MCTP1: variants seen among roughly 807,000 people sequenced by gnomAD.
The protein encoded by MCTP1 is multiple C2 and transmembrane domain containing 1.
Under a neutral mutation model 120.6 loss-of-function variants are expected in MCTP1, and 69 were observed. The observed-to-expected ratio is 0.57, with a 90% CI of 0.47 to 0.70. The LOEUF (loss-of-function observed/expected upper bound fraction) is 0.70. Ranked by LOEUF, MCTP1 falls within the 30% of genes least tolerant of loss-of-function variation. The pLI is 0.00. For synonymous variants in MCTP1, 529 were observed against 493.1 expected, an observed-to-expected ratio of 1.07 and a Z score of -0.96; for missense variants, 1,203 against 1,248.8, an observed-to-expected ratio of 0.96 and a Z score of 0.55.
At position 95,184,600 on chromosome 5, in the gene MCTP1, A is replaced by ACC. The variant is rs540447433; in HGVS notation, c.720+99254_720+99255dup. 8.5e-5 allele frequency among the ~76,000 whole-genome samples: 13 copies of ACC among 152,204 alleles called. No homozygotes were observed. The East Asian group carries it at 2.5e-3, about 29-fold the overall frequency. ...CTGATAACAGCCCTTTCCTGAAAAG[A>ACC]CCCCCTTCTTGCCTGGGGACCAGTC... is the stretch of plus-strand genomic sequence containing the variant. On this transcript the variant is annotated intron_variant, in intron 1 of 22. Coordinates refer to ENST00000515393, the MANE Select transcript of MCTP1 (RefSeq NM_024717.7).
chr5:94,917,063 A>C (rs1048907071), intron 8 of MCTP1, among the ~76,000 whole-genome samples: 2 of 152,250 alleles, frequency 1.3e-5, no homozygotes, highest in Non-Finnish European at 2.9e-5. Context: ...TAAAAAGAGA[A>C]GTAGGACCCT....
At chr5:94,853,696 A>C (rs1174653867) in intron 17 of MCTP1, among the ~76,000 whole-genome samples, 1 of 151,914 alleles carries the variant, frequency 6.6e-6, no homozygotes, top group East Asian at 1.9e-4. Flanking sequence ...ACCTGGTGTT[A>C]TCTGAGGGCT....
chr5:94,868,420 A>G lies in MCTP1; in HGVS notation c.2349T>C (p.Arg783=), dbSNP rs142249097. 24 of 1,605,852 alleles carry G rather than the reference A, an allele frequency of 1.5e-5. No individual in the cohort carries two copies. In the African/African-American group the frequency reaches 3.1e-4, roughly 21 times the overall value. ...CAGCATTTACCAGCACCATGACACA[A>G]CGTTTCATTCTGATAAAGTTTCTTA... The part of the protein sequence containing the change: ...LLLRNFIRMK[R]CVMVLVNAAY... Residue 783 remains arginine, a synonymous_variant, in exon 17 of 23, where the codon CGT becomes CGC. Transcript: ENST00000515393.
At chr5:94,754,300 G>C (rs1194646612) in intron 19 of MCTP1, among the ~76,000 whole-genome samples, 1 of 152,194 alleles carries the variant, frequency 6.6e-6, no homozygotes, top group Non-Finnish European at 1.5e-5. Context: ...GGGAAGGTCC[G>C]TCAGTTAAGT....
chr5:95,142,937 T>C (rs1165748846), intron 1 of MCTP1, among the ~76,000 whole-genome samples: 5 of 152,172 alleles, frequency 3.3e-5, no homozygotes, highest in African/African-American at 1.2e-4. Context: ...ATGATGGACA[T>C]GCAAGACAAT....
intron 1 of MCTP1, among the ~76,000 whole-genome samples, chr5:95,280,087 A>C (rs1760191517): frequency 6.6e-6 from 1 of 152,230 alleles, no homozygotes; most frequent in Non-Finnish European, 1.5e-5. Flanking sequence ...AAATCAACCC[A>C]AGTCATGTTT....
chr5:95,018,374 G>A (rs982981256), intron 1 of MCTP1, among the ~76,000 whole-genome samples: 22 of 151,752 alleles, frequency 1.4e-4, no homozygotes, highest in African/African-American at 4.8e-4. Flanking sequence ...GAATATGCAT[G>A]GATGAGGTAA....
At chr5:94,735,621 A>T (rs1764046979) in intron 19 of MCTP1, among the ~76,000 whole-genome samples, 2 of 152,158 alleles carry the variant, frequency 1.3e-5, no homozygotes. Flanking sequence ...GATTTACAGG[A>T]TAGAGTACAT....
intron 6 of MCTP1, among the ~76,000 whole-genome samples, chr5:94,925,132 G>T (rs1812717086): frequency 6.6e-6 from 1 of 151,942 alleles, no homozygotes; most frequent in Non-Finnish European, 1.5e-5. Flanking sequence ...TTTTCTTGTG[G>T]ACCCTGTGCC....
chr5:94,841,271 A>G (rs1467969442), intron 17 of MCTP1, among the ~76,000 whole-genome samples: 2 of 152,184 alleles, frequency 1.3e-5, no homozygotes, highest in Admixed American at 6.5e-5. Flanking sequence ...TATGTTGACA[A>G]TCTCGGATAC....
chr5:95,123,007 C>G (rs1758350733), intron 1 of MCTP1, among the ~76,000 whole-genome samples: 1 of 152,054 alleles, frequency 6.6e-6, no homozygotes, highest in Non-Finnish European at 1.5e-5. Context: ...GAAGAAAGTG[C>G]AGATGGTTAA....
intron 1 of MCTP1, among the ~76,000 whole-genome samples, chr5:95,032,068 G>C (rs1393423850): frequency 1.3e-5 from 2 of 152,054 alleles, no homozygotes; most frequent in East Asian, 3.8e-4. Flanking sequence ...TGCACTCAAT[G>C]TTGGAGCACC....
Position 95,041,311 on chromosome 5 carries a change from GAAAAAAAA to G in MCTP1, c.721-23835_721-23828del, listed in dbSNP as rs58379749. 5.2e-4 allele frequency among the ~76,000 whole-genome samples: 47 copies of G among 89,802 alleles called. 1 individual carries two copies. The East Asian group carries it at 9.1e-3, about 17-fold the overall frequency. The allele number at this position is 89,802 out of a possible 152,430, so 58.9% of individuals were successfully genotyped here. A position where few individuals can be genotyped will look rare whatever the true frequency, so the allele number is the denominator to read the frequency against. ...GTCTAATGCCAAAAGCCCATGCTCT[GAAAAAAAA>G]AAAAAAAAAAAAGAAAAAACAAAAA... is the stretch of plus-strand genomic sequence containing the variant. On this transcript the variant is annotated intron_variant, in intron 1 of 22. Coordinates refer to ENST00000515393, the MANE Select transcript of MCTP1 (RefSeq NM_024717.7).
intron 2 of MCTP1, among the ~76,000 whole-genome samples, chr5:94,967,166 A>G (rs1348059415): frequency 6.6e-6 from 1 of 152,164 alleles, no homozygotes; most frequent in East Asian, 1.9e-4. Flanking sequence ...CCCTCCCAGA[A>G]ACATTTTTTC....
At chr5:95,106,735 G>A (rs1056179394) in intron 1 of MCTP1, among the ~76,000 whole-genome samples, 6 of 152,256 alleles carry the variant, frequency 3.9e-5, no homozygotes, top group East Asian at 1.9e-4. Flanking sequence ...GAGTAAACCT[G>A]CAATTTAGGG....
chr5:95,005,494 T>C (rs1422924054), intron 2 of MCTP1, among the ~76,000 whole-genome samples: 1 of 152,146 alleles, frequency 6.6e-6, no homozygotes, highest in African/African-American at 2.4e-5. Context: ...CAAATTGTAA[T>C]TCCCAGTGTT....
intron 19 of MCTP1, among the ~76,000 whole-genome samples, chr5:94,722,740 G>A (rs1315416547): frequency 6.6e-6 from 1 of 152,140 alleles, no homozygotes; most frequent in Non-Finnish European, 1.5e-5. Context: ...TGAATGGTAA[G>A]GTTCATATTT....
chr5:94,797,598 T>C (rs1157302869), intron 18 of MCTP1, among the ~76,000 whole-genome samples: 1 of 152,192 alleles, frequency 6.6e-6, no homozygotes, highest in East Asian at 1.9e-4. Flanking sequence ...CCAATAATAC[T>C]AATAACGTCT....
chr5:95,224,855 A>G (rs1754085212), intron 1 of MCTP1, among the ~76,000 whole-genome samples: 2 of 152,084 alleles, frequency 1.3e-5, no homozygotes, highest in Non-Finnish European at 2.9e-5. Context: ...TTCTTCCTGA[A>G]CAGCTACTCA....
Sources: gnomAD v4.1 joint callset for allele counts (sites outside exome capture counted in the v4.1 genomes callset) on GRCh38, gnomAD v4.1.1 for gene constraint, MANE v1.5 for transcripts, NCBI Gene and HGNC (gene_info 2026-07-23, HGNC 2026-07-21) for gene names.